Variants in FBXW4 observed in about 807,000 individuals in gnomAD.
The protein encoded by FBXW4 is F-box/WD repeat-containing protein 4.
Under a neutral mutation model 61.8 loss-of-function variants are expected in FBXW4, and 40 were observed. That is an observed-to-expected ratio of 0.65 (90% CI 0.50 to 0.84). The LOEUF (loss-of-function observed/expected upper bound fraction) is 0.84. Among genes scored for constraint, FBXW4 ranks in the 40% least tolerant of loss-of-function variants. The pLI is 0.00. For missense variants in FBXW4, 672 were observed against 753.8 expected, an observed-to-expected ratio of 0.89 and a Z score of 1.27; for synonymous variants, 311 against 313.8, an observed-to-expected ratio of 0.99 and a Z score of 0.10.
At chr10:101,623,972 G>A (rs1184643201) in intron 6 of FBXW4, among the ~76,000 whole-genome samples, 1 of 152,118 alleles carries the variant, frequency 6.6e-6, no homozygotes, top group African/African-American at 2.4e-5. Context: ...CTACCAAGGG[G>A]TAAATGAGGA....
intron 1 of FBXW4, among the ~76,000 whole-genome samples, chr10:101,678,097 G>A (rs1003642144): frequency 6.6e-5 from 10 of 152,112 alleles, no homozygotes; most frequent in Non-Finnish European, 1.5e-4. Flanking sequence ...CAAAACATTG[G>A]AGGGCGAGTG....
chr10:101,694,730 T>G lies in FBXW4; in HGVS notation c.376A>C (p.Arg126=). 3 of 1,371,930 alleles carry G rather than the reference T, an allele frequency of 2.2e-6. No individual in the cohort carries two copies. Among genetic ancestry groups the G allele is most frequent in the Non-Finnish European group, 2.8e-6 (3 of 1,071,154 alleles). The allele number at this position is 1,371,930 out of a possible 1,614,324, so 85.0% of individuals were successfully genotyped here. A position where few individuals can be genotyped will look rare whatever the true frequency, so the allele number is the denominator to read the frequency against. Residue 126 remains arginine (R), a synonymous_variant, in exon 1 of 9, where the codon AGG becomes CGG. Transcript: ENST00000331272. The surrounding 1 kb of genome is among the most constrained non-coding windows in gnomAD (Gnocchi z 6.0). ...EYGKKEEWRV[R]ARRREGARPG... is the part of the protein sequence containing the mutation. Reference sequence around the variant, plus strand: ...CTGGCGCCCTCCCGCCGCCTAGCCCTGACCCTCCATTCCTCCTTCTTCCCA... The same window carrying G: ...CTGGCGCCCTCCCGCCGCCTAGCCCGGACCCTCCATTCCTCCTTCTTCCCA...
At chr10:101,625,810 C>G (rs1332591119) in intron 5 of FBXW4, 1 of 152,238 alleles carries the variant, frequency 6.6e-6, no homozygotes, top group African/African-American at 2.4e-5. Context: ...GCATGTCTTT[C>G]ATGGGGGGGA....
rs1355272100 is a variant in FBXW4 at position 101,678,980 on chromosome 10, A to AAC, written c.726-2546_726-2545dup. ...AAGTAGTAAATGCACAGGATAAAAAAACACACACACACAGATAGTATGAAA... is the reference window on the plus strand; with the variant it reads ...AAGTAGTAAATGCACAGGATAAAAAAACACACACACACACAGATAGTATGAAA... On this transcript the variant is annotated intron_variant, in intron 1 of 8. Transcript: ENST00000331272. Among the ~76,000 whole-genome samples the AAC allele has an allele frequency of 8.5e-5, 13 of 152,306 alleles. No homozygotes were observed. The East Asian group carries it at 2.5e-3, about 29-fold the overall frequency.
chr10:101,628,110 G>T, intron 5 of FBXW4: 1 of 350,146 alleles, frequency 2.9e-6, no homozygotes, highest in Non-Finnish European at 4.0e-6. Context: ...AAATGAAAAC[G>T]TGTATCATTC....
At position 101,629,307 on chromosome 10, in the gene FBXW4, CAG is replaced by C. The variant is rs1359724575; in HGVS notation, c.1236-4499_1236-4498del. On this transcript the variant is annotated intron_variant, in intron 5 of 8. Transcript: ENST00000331272. ...CCACTTTCCCTTTTTTTTTTTGAGA[CAG>C]AGTCTTGCTCTGTCGCCCAGGCTGG... Among the ~76,000 whole-genome samples the C allele has an allele frequency of 6.6e-5, 10 of 150,986 alleles. No individual in the cohort carries two copies. In the East Asian group the frequency reaches 9.8e-4, roughly 15 times the overall value.
At chr10:101,623,350 C>G (rs2063882949) in intron 6 of FBXW4, among the ~76,000 whole-genome samples, 1 of 152,040 alleles carries the variant, frequency 6.6e-6, no homozygotes, top group Non-Finnish European at 1.5e-5. Context: ...AAGTTCAAGA[C>G]CAGCCTTGGC....
intron 5 of FBXW4, among the ~76,000 whole-genome samples, chr10:101,646,280 G>A (rs1458884711): frequency 6.6e-6 from 1 of 152,204 alleles, no homozygotes; most frequent in African/African-American, 2.4e-5. Flanking sequence ...CCTGGCCAGG[G>A]CCTCAGGAGA....
rs1480513043 is a variant in FBXW4 at position 101,673,167 on chromosome 10, A to G, written c.1008-120T>C. On this transcript the variant is annotated intron_variant, in intron 3 of 8. Coordinates refer to ENST00000331272, the MANE Select transcript of FBXW4 (RefSeq NM_022039.4). ...ATCCAAATTTGCTAAGCATTAGACA[A>G]TTCAGCCCAGTAAGGTGCTGACTTT... 3.9e-6 allele frequency: 5 copies of G among 1,283,086 alleles called. No individual in the cohort carries two copies. In the East Asian group the frequency reaches 1.2e-4, roughly 32 times the overall value. The allele number at this position is 1,283,086 out of a possible 1,614,324, so 79.5% of individuals were successfully genotyped here.
intron 6 of FBXW4, among the ~76,000 whole-genome samples, chr10:101,620,413 C>T (rs1019451604): frequency 2.0e-5 from 3 of 152,204 alleles, no homozygotes; most frequent in Admixed American, 6.5e-5. Context: ...TTTCCTCAAT[C>T]GCTGTACCAC....
At chr10:101,614,164 C>T (rs929445606) in intron 6 of FBXW4, among the ~76,000 whole-genome samples, 3 of 152,258 alleles carry the variant, frequency 2.0e-5, no homozygotes, top group African/African-American at 7.2e-5. Context: ...GTTCTCCTCC[C>T]TCTTCCAGAT....
chr10:101,647,837 C>T (rs930813934), intron 5 of FBXW4, among the ~76,000 whole-genome samples: 40 of 152,232 alleles, frequency 2.6e-4, no homozygotes, highest in Admixed American at 1.8e-3. Context: ...TGCTAGACAA[C>T]TGCTAGCTGC....
intron 5 of FBXW4, among the ~76,000 whole-genome samples, chr10:101,630,758 G>C (rs954523023): frequency 6.6e-6 from 1 of 152,124 alleles, no homozygotes; most frequent in African/African-American, 2.4e-5. Flanking sequence ...CAGTTCCTAA[G>C]ATCCAGCCAA....
rs2064657094 is a variant in FBXW4 at position 101,694,681 on chromosome 10, C to T, written c.425G>A (p.Gly142Glu). ...CGCGATGTCGGCCCAAGCCTGACCC[C>T]CTCGTCCCTGTGCTCTTCCCGGCCT... ...GARPGRAQGR[G>E]GQAWADIAGT... The change falls in exon 1 of 9, where the codon GGG (glycine) becomes GAG (glutamate). Residue 142 changes from glycine (G) to glutamate (E), a missense_variant. By Grantham distance (98) the Gly-to-Glu change is moderately conservative. Transcript: ENST00000331272. This position sits in a 1 kb window ranked among gnomAD's most constrained non-coding sequence, Gnocchi z 6.0. The T allele has an allele frequency of 1.4e-6, 2 of 1,393,196 alleles. No individual in the cohort carries two copies. Among genetic ancestry groups the T allele is most frequent in the Non-Finnish European group, 1.8e-6 (2 of 1,083,272 alleles). The allele number at this position is 1,393,196 out of a possible 1,614,324, so 86.3% of individuals were successfully genotyped here.
rs183113766 is a variant in FBXW4 at position 101,632,261 on chromosome 10, C to T, written c.1236-7451G>A. On this transcript the variant is annotated intron_variant, in intron 5 of 8. Coordinates refer to ENST00000331272, the MANE Select transcript of FBXW4 (RefSeq NM_022039.4). ...CTCTCTCAACCCAAGTGCATCAGGG[C>T]AGGATGGTGCAAGTAGGTGCCTAGG... 3.5e-3 allele frequency among the ~76,000 whole-genome samples: 531 copies of T among 152,192 alleles called. 6 individuals carry two copies. Among genetic ancestry groups the T allele is most frequent in the African/African-American group, 0.012 (517 of 41,514 alleles).
At chr10:101,619,658 CAAA>C (rs540597313) in intron 6 of FBXW4, among the ~76,000 whole-genome samples, 3 of 113,734 alleles carry the variant, frequency 2.6e-5, no homozygotes, top group Admixed American at 9.4e-5. Flanking sequence ...GACTCTGTCT[CAAA>C]AAAAAAAAAA....
chr10:101,654,017 A>T (rs142756910), intron 5 of FBXW4, among the ~76,000 whole-genome samples: 13,440 of 148,918 alleles, frequency 0.09, 694 homozygotes, highest in African/African-American at 0.14. Context: ...GCTACTTGGG[A>T]GGCTGAGGCA....
intron 5 of FBXW4, among the ~76,000 whole-genome samples, chr10:101,638,075 C>T (rs1276482021): frequency 6.6e-6 from 1 of 152,150 alleles, no homozygotes; most frequent in African/African-American, 2.4e-5. Context: ...TGGTGCGCTT[C>T]CTCCTCAATC....
intron 4 of FBXW4, among the ~76,000 whole-genome samples, chr10:101,669,189 AC>A (rs779873105): frequency 6.6e-6 from 1 of 152,214 alleles, no homozygotes; most frequent in Non-Finnish European, 1.5e-5. Context: ...AAATAAACAT[AC>A]TAAGAGGATC....
Sources: gnomAD v4.1 joint callset for allele counts (sites outside exome capture counted in the v4.1 genomes callset) on GRCh38, gnomAD v4.1.1 for gene constraint, Gnocchi (gnomAD v3.1) non-coding constraint, MANE v1.5 for transcripts, NCBI Gene and HGNC (gene_info 2026-07-23, HGNC 2026-07-21) for gene names.